The following OR51B5 variants were observed in gnomAD, a reference collection of about 807,000 sequenced individuals.
OR51B5 encodes the protein olfactory receptor family 51 subfamily B member 5.
For synonymous variants in OR51B5, 186 were observed against 144.8 expected (o/e 1.28, Z -2.04); for missense variants, 456 against 374.6 (o/e 1.22, Z -1.79).
At chr11:5,485,491 C>T (rs141839993) in intron 1 of OR51B5, among the ~76,000 whole-genome samples, 21 of 152,296 alleles carry the variant, frequency 1.4e-4, no homozygotes, top group Non-Finnish European at 2.8e-4. Context: ...CCTGAACTTG[C>T]AGATCACCAG....
chr11:5,470,751 T>C (rs2133800920), intron 1 of OR51B5, among the ~76,000 whole-genome samples: 1 of 152,322 alleles, frequency 6.6e-6, no homozygotes, highest in Admixed American at 6.5e-5. Context: ...TTTACAAGTC[T>C]ATTAATCCAT....
At chr11:5,417,455 C>T (rs1167867536) in intron 1 of OR51B5, among the ~76,000 whole-genome samples, 8 of 151,576 alleles carry the variant, frequency 5.3e-5, no homozygotes, top group South Asian at 4.2e-4. Flanking sequence ...AGATCTTCTG[C>T]GCAGCAAAAG....
chr11:5,379,861 A>T (rs959043238), intron 1 of OR51B5, among the ~76,000 whole-genome samples: 1 of 151,826 alleles, frequency 6.6e-6, no homozygotes. Context: ...TCATCATGTG[A>T]TCTCCTTGCA....
At chr11:5,386,899 T>A (rs1356101634) in intron 1 of OR51B5, among the ~76,000 whole-genome samples, 1 of 151,976 alleles carries the variant, frequency 6.6e-6, no homozygotes, top group Non-Finnish European at 1.5e-5. Context: ...AAAAAATGCA[T>A]AAATATGAGA....
chr11:5,361,785 G>A (rs2736555), intron 1 of OR51B5, among the ~76,000 whole-genome samples: 57,742 of 151,826 alleles, frequency 0.38, 11,205 homozygotes, highest in Non-Finnish European at 0.41. Context: ...GAAAATCCAC[G>A]GGAATACAGA....
At chr11:5,419,434 A>T (rs1335870927) in intron 1 of OR51B5, among the ~76,000 whole-genome samples, 2 of 151,784 alleles carry the variant, frequency 1.3e-5, no homozygotes, top group Admixed American at 1.3e-4. Flanking sequence ...ATCTTGGGTC[A>T]AAAGTATTGG....
At chr11:5,428,976 A>C (rs939834844) in intron 1 of OR51B5, among the ~76,000 whole-genome samples, 4 of 152,130 alleles carry the variant, frequency 2.6e-5, no homozygotes, top group Non-Finnish European at 5.9e-5. Flanking sequence ...TGACTGCTCC[A>C]ATTGGTCCTA....
At chr11:5,347,276 A>G (rs770456594), upstream of OR51B5, among the ~76,000 whole-genome samples, 5 of 152,190 alleles carry the variant, frequency 3.3e-5, no homozygotes, top group African/African-American at 4.8e-5. Context: ...TGGCCTATGT[A>G]ACCTGAATTT....
intron 1 of OR51B5, among the ~76,000 whole-genome samples, chr11:5,442,841 A>T (rs2133777846): frequency 6.6e-6 from 1 of 152,290 alleles, no homozygotes; most frequent in South Asian, 2.1e-4. Context: ...GAATCTAATG[A>T]AAACATTCTC....
At chr11:5,484,391 A>T (rs1223236529) in intron 1 of OR51B5, among the ~76,000 whole-genome samples, 1 of 152,180 alleles carries the variant, frequency 6.6e-6, no homozygotes, top group Non-Finnish European at 1.5e-5. Flanking sequence ...AGTAGCAGTT[A>T]CCTTACAACA....
At chr11:5,475,595 T>C (rs2133804085) in intron 1 of OR51B5, among the ~76,000 whole-genome samples, 1 of 152,320 alleles carries the variant, frequency 6.6e-6, no homozygotes, top group East Asian at 1.9e-4. Flanking sequence ...CATTCTCTAG[T>C]GATCTTGTCT....
At chr11:5,453,775 CCTGT>C (rs754921159) in intron 1 of OR51B5, 15 of 1,614,060 alleles carry the variant, frequency 9.3e-6, no homozygotes, top group African/African-American at 2.7e-5. Flanking sequence ...ACTTTTGATG[CCTGT>C]CTAATTCAGA....
intron 1 of OR51B5, among the ~76,000 whole-genome samples, chr11:5,394,644 C>T (rs1242836953): frequency 2.0e-5 from 3 of 152,236 alleles, no homozygotes; most frequent in East Asian, 3.9e-4. Context: ...CAACTCTGAG[C>T]CTTTGTACAT....
intron 1 of OR51B5, among the ~76,000 whole-genome samples, chr11:5,354,372 A>G (rs1490905554): frequency 6.6e-6 from 1 of 152,228 alleles, no homozygotes; most frequent in African/African-American, 2.4e-5. Flanking sequence ...AATACATTTT[A>G]TAAATTCTGT....
At chr11:5,357,008 G>A (rs1430513055) in intron 1 of OR51B5, among the ~76,000 whole-genome samples, 2 of 152,008 alleles carry the variant, frequency 1.3e-5, no homozygotes, top group East Asian at 1.9e-4. Context: ...ACCGGTACCA[G>A]CCACTGCAAA....
At chr11:5,393,589 T>G (rs1564798450) in intron 1 of OR51B5, among the ~76,000 whole-genome samples, 1 of 152,070 alleles carries the variant, frequency 6.6e-6, no homozygotes, top group Non-Finnish European at 1.5e-5. Context: ...TATATACGAT[T>G]ATGCTGAAGA....
Position 5,477,839 on chromosome 11 carries a change from C to T in OR51B5, n.84+27730G>A, listed in dbSNP as rs933494460. ...AACGGCGCACCATGAGATTATATCC[C>T]GCACCTGGCTCGGAGGGTCCTACGC... On this transcript the variant is annotated intron_variant and non_coding_transcript_variant, in intron 1 of 4. Transcript: ENST00000415970. Among the ~76,000 whole-genome samples the T allele has an allele frequency of 1.2e-4, 18 of 152,194 alleles. No individual in the cohort carries two copies. In the South Asian group the frequency reaches 1.5e-3, roughly 12 times the overall value.
chr11:5,449,887 T>A (rs1850818249), intron 1 of OR51B5, among the ~76,000 whole-genome samples: 2 of 152,202 alleles, frequency 1.3e-5, no homozygotes, highest in Admixed American at 1.3e-4. Flanking sequence ...AATGAATAGC[T>A]GATAATTTTC....
chr11:5,400,797 T>C (rs948007986), intron 1 of OR51B5, among the ~76,000 whole-genome samples: 3 of 152,236 alleles, frequency 2.0e-5, no homozygotes, highest in African/African-American at 7.2e-5. Context: ...GTCCTTGACA[T>C]AGAGGTGTGC....
Sources: gnomAD v4.1 joint callset for allele counts (sites outside exome capture counted in the v4.1 genomes callset) on GRCh38, gnomAD v4.1.1 for gene constraint, MANE v1.5 for transcripts, NCBI Gene and HGNC (gene_info 2026-07-23, HGNC 2026-07-21) for gene names.